The following TTC29 variants were observed in gnomAD, a reference collection of about 807,000 sequenced individuals.
The protein encoded by TTC29 is tetratricopeptide repeat protein 29.
In TTC29, 49 loss-of-function variants were observed where a neutral mutation model predicts 58.1. The ratio of observed to expected loss-of-function variants is 0.84; its 90% CI spans 0.67 to 1.07. TTC29 has a LOEUF of 1.07. TTC29 is among the 50% of genes least tolerant of loss of function. The probability of loss-of-function intolerance (pLI) is 0.00; values close to 1 mark genes in which losing one functional copy is unlikely to be tolerated. For synonymous variants in TTC29, 209 were observed against 196.8 expected (o/e 1.06, Z -0.52); for missense variants, 582 against 555.6 (o/e 1.05, Z -0.48).
chr4:146,777,388 CT>C (rs1189454680), intron 11 of TTC29, among the ~76,000 whole-genome samples: 126 of 145,620 alleles, frequency 8.7e-4, no homozygotes, highest in Admixed American at 7.5e-4. Context: ...ATTACGTTGA[CT>C]TTTTTTTTTT....
chr4:146,728,783 G>GTATATATACATATATATACACATATATA lies in TTC29; in HGVS notation c.1331-21233_1331-21232insTATATATGTGTATATATATGTATATATA, dbSNP rs1561066187. Reference sequence around the variant, plus strand: ...TGTACATATATATACACATATATATGTGTATATATACGTATATATACACAT... The same window carrying GTATATATACATATATATACACATATATA: ...TGTACATATATATACACATATATATGTATATATACATATATATACACATATATATGTATATATACGTATATATACACAT... On this transcript the variant is annotated intron_variant, in intron 11 of 12. Coordinates refer to ENST00000325106, the MANE Select transcript of TTC29 (RefSeq NM_031956.4). 6.2e-4 allele frequency among the ~76,000 whole-genome samples: 76 copies of GTATATATACATATATATACACATATATA among 123,006 alleles called. 1 individual carries two copies. Among genetic ancestry groups the GTATATATACATATATATACACATATATA allele is most frequent in the African/African-American group, 2.6e-3 (74 of 28,054 alleles). The allele number at this position is 123,006 out of a possible 152,430, so 80.7% of individuals were successfully genotyped here.
intron 5 of TTC29, among the ~76,000 whole-genome samples, chr4:146,908,147 A>G (rs992187804): frequency 6.6e-5 from 10 of 152,166 alleles, no homozygotes; most frequent in Non-Finnish European, 1.3e-4. Flanking sequence ...AAAGTTGCTG[A>G]TACCCTATTT....
At chr4:146,761,911 A>C (rs1746937919) in intron 11 of TTC29, among the ~76,000 whole-genome samples, 1 of 151,852 alleles carries the variant, frequency 6.6e-6, no homozygotes, top group Non-Finnish European at 1.5e-5. Context: ...TTTGTGACGG[A>C]CATTCTTCTT....
At chr4:146,916,405 A>G (rs1175234172) in intron 4 of TTC29, among the ~76,000 whole-genome samples, 1 of 151,730 alleles carries the variant, frequency 6.6e-6, no homozygotes, top group Non-Finnish European at 1.5e-5. Context: ...TTAAAGCCAT[A>G]TAGAATTATA....
chr4:146,835,918 G>A (rs1020163045), intron 8 of TTC29, among the ~76,000 whole-genome samples: 2 of 152,160 alleles, frequency 1.3e-5, no homozygotes, highest in African/African-American at 4.8e-5. Context: ...ATTCCTGGGA[G>A]CAGAGGGGCA....
At chr4:146,888,949 G>A (rs1732171227) in intron 6 of TTC29, among the ~76,000 whole-genome samples, 1 of 152,110 alleles carries the variant, frequency 6.6e-6, no homozygotes, top group Middle Eastern at 3.4e-3. Flanking sequence ...TTAGCTAATG[G>A]CAGTGTCAAA....
intron 6 of TTC29, among the ~76,000 whole-genome samples, chr4:146,877,180 T>TA (rs1210342003): frequency 6.6e-6 from 1 of 152,038 alleles, no homozygotes; most frequent in Non-Finnish European, 1.5e-5. Flanking sequence ...TTAGGAAACA[T>TA]AAAAAAACAT....
At chr4:146,922,012 C>CAAAAAAAAAAAAA (rs34167190) in intron 4 of TTC29, among the ~76,000 whole-genome samples, 2 of 107,394 alleles carry the variant, frequency 1.9e-5, no homozygotes, top group African/African-American at 3.8e-5. Flanking sequence ...GGATCCCCTA[C>CAAAAAAAAAAAAA]AAAAAAAAAA....
chr4:146,716,673 C>T (rs914042506), intron 11 of TTC29, among the ~76,000 whole-genome samples: 1 of 151,964 alleles, frequency 6.6e-6, no homozygotes, highest in Non-Finnish European at 1.5e-5. Flanking sequence ...TATACAGTAT[C>T]CAGTCCAAAT....
At chr4:146,778,212 T>C (rs942335394) in intron 11 of TTC29, among the ~76,000 whole-genome samples, 2 of 152,186 alleles carry the variant, frequency 1.3e-5, no homozygotes, top group Admixed American at 6.5e-5. Flanking sequence ...ATTTAGTTTG[T>C]TAATTCATAT....
At chr4:146,727,432 G>A (rs918417032) in intron 11 of TTC29, among the ~76,000 whole-genome samples, 7 of 152,116 alleles carry the variant, frequency 4.6e-5, no homozygotes, top group Non-Finnish European at 8.8e-5. Context: ...AATATATAAT[G>A]ACATGTACTC....
intron 11 of TTC29, among the ~76,000 whole-genome samples, chr4:146,791,694 G>A (rs926934067): frequency 6.6e-6 from 1 of 152,212 alleles, no homozygotes; most frequent in Non-Finnish European, 1.5e-5. Context: ...AGGAAGGCAT[G>A]TTGAAAGCTG....
chr4:146,782,085 G>A (rs991014855), intron 11 of TTC29, among the ~76,000 whole-genome samples: 1 of 151,690 alleles, frequency 6.6e-6, no homozygotes, highest in African/African-American at 2.4e-5. Flanking sequence ...CATTTTTTGA[G>A]TCTAGAGGTG....
intron 11 of TTC29, among the ~76,000 whole-genome samples, chr4:146,790,520 C>CTT (rs1749366456): frequency 6.6e-6 from 1 of 151,866 alleles, no homozygotes; most frequent in Non-Finnish European, 1.5e-5. Flanking sequence ...TTCATACCTG[C>CTT]TTTATTTTTT....
At chr4:146,799,188 T>C (rs1169743407) in intron 11 of TTC29, among the ~76,000 whole-genome samples, 1 of 152,214 alleles carries the variant, frequency 6.6e-6, no homozygotes, top group African/African-American at 2.4e-5. Flanking sequence ...TTCTTCTTTT[T>C]CTTTGTGTTG....
intron 4 of TTC29, among the ~76,000 whole-genome samples, chr4:146,914,398 A>C (rs1734085786): frequency 6.6e-6 from 1 of 152,202 alleles, no homozygotes; most frequent in African/African-American, 2.4e-5. Context: ...TTACACATTA[A>C]AAAACTTTTA....
intron 10 of TTC29, among the ~76,000 whole-genome samples, chr4:146,810,931 G>A (rs964522929): frequency 6.6e-6 from 1 of 152,070 alleles, no homozygotes; most frequent in Non-Finnish European, 1.5e-5. Flanking sequence ...AATGGATGGT[G>A]AAAATAAATG....
intron 11 of TTC29, among the ~76,000 whole-genome samples, chr4:146,754,817 A>G (rs555516283): frequency 4.8e-4 from 73 of 152,242 alleles, no homozygotes; most frequent in Non-Finnish European, 7.4e-4. Context: ...TAACATAATA[A>G]TGAAGATGAA....
At chr4:146,745,205 C>T (rs527240226) in intron 11 of TTC29, among the ~76,000 whole-genome samples, 70 of 152,250 alleles carry the variant, frequency 4.6e-4, no homozygotes, top group Admixed American at 5.2e-4. Flanking sequence ...AAGTAGGAGT[C>T]GAGCAAGAGC....
Sources: gnomAD v4.1 joint callset for allele counts (sites outside exome capture counted in the v4.1 genomes callset) on GRCh38, gnomAD v4.1.1 for gene constraint, MANE v1.5 for transcripts, NCBI Gene and HGNC (gene_info 2026-07-23, HGNC 2026-07-21) for gene names.